The following ROR1 variants were observed in gnomAD, a reference collection of about 807,000 sequenced individuals.
ROR1 encodes the protein inactive tyrosine-protein kinase transmembrane receptor ROR1.
Under a neutral mutation model 78.8 loss-of-function variants are expected in ROR1, and 19 were observed. The observed-to-expected ratio is 0.24, with a 90% CI of 0.17 to 0.35. The LOEUF (loss-of-function observed/expected upper bound fraction) is 0.35, where lower values mean the gene tolerates loss of function less well. ROR1 is among the 10% of genes least tolerant of loss of function. The probability of loss-of-function intolerance (pLI) is 1.00; values close to 1 mark genes in which losing one functional copy is unlikely to be tolerated. For missense variants in ROR1, 917 were observed against 1,177.8 expected, an observed-to-expected ratio of 0.78 and a Z score of 3.24; for synonymous variants, 386 against 433.6, an observed-to-expected ratio of 0.89 and a Z score of 1.36.
intron 1 of ROR1, among the ~76,000 whole-genome samples, chr1:63,891,048 A>T (rs1454048523): frequency 6.6e-6 from 1 of 152,198 alleles, no homozygotes; most frequent in African/African-American, 2.4e-5. Context: ...GGGACATGTC[A>T]CATGGGCTCA....
intron 1 of ROR1, among the ~76,000 whole-genome samples, chr1:63,915,334 T>C (rs1394237026): frequency 2.6e-5 from 4 of 152,072 alleles, no homozygotes; most frequent in Admixed American, 6.5e-5. Context: ...CCCTGGTGTA[T>C]AGTCTAAGGT....
intron 1 of ROR1, among the ~76,000 whole-genome samples, chr1:63,938,660 A>G (rs1645812312): frequency 6.6e-6 from 1 of 152,168 alleles, no homozygotes; most frequent in Admixed American, 6.5e-5. Flanking sequence ...TAGGTTTCAA[A>G]TTTTTGTTTG....
At position 64,177,485 on chromosome 1, in the gene ROR1, T is replaced by C. The variant is rs773155144; in HGVS notation, c.1444T>C (p.Cys482Arg). ...AVRFMEELGE[C>R]AFGKIYKGHL... Reference sequence around the variant, plus strand: ...ACGCTTTATGGAAGAATTGGGTGAGTGTGCCTTTGGAAAAATCTATAAAGG... The same window carrying C: ...ACGCTTTATGGAAGAATTGGGTGAGCGTGCCTTTGGAAAAATCTATAAAGG... The change falls in exon 9 of 9, where the codon TGT becomes CGT. Residue 482 changes from cysteine to arginine, a missense_variant. By Grantham distance (180) the Cys-to-Arg change is radical (BLOSUM62 -3). This residue lies in a region of ROR1 where 835 missense variants were observed against 1,069.8 expected (regional missense o/e 0.78). Coordinates refer to ENST00000371079, the MANE Select transcript of ROR1 (RefSeq NM_005012.4). The C allele has an allele frequency of 6.2e-7, 1 of 1,614,128 alleles. No individual in the cohort carries two copies. The highest frequency in any genetic ancestry group is 1.7e-5 in the Admixed American group (1 of 60,022).
chr1:63,883,856 G>T (rs1368085484), intron 1 of ROR1, among the ~76,000 whole-genome samples: 3 of 152,180 alleles, frequency 2.0e-5, no homozygotes, highest in East Asian at 1.9e-4. Context: ...AGAGGGATGG[G>T]CAGCCATGTG....
chr1:64,063,860 AC>A (rs2100608661), intron 4 of ROR1, among the ~76,000 whole-genome samples: 2 of 152,182 alleles, frequency 1.3e-5, no homozygotes, highest in East Asian at 3.9e-4. Flanking sequence ...TTATCAAATC[AC>A]CCCAAGTGAT....
chr1:64,053,977 G>A (rs1646853831), intron 4 of ROR1, among the ~76,000 whole-genome samples: 1 of 140,582 alleles, frequency 7.1e-6, no homozygotes, highest in South Asian at 2.1e-4. Context: ...TTTGAAACAA[G>A]GTCTGGCTCT....
At chr1:63,825,488 A>G (rs1020463423) in intron 1 of ROR1, among the ~76,000 whole-genome samples, 4 of 152,232 alleles carry the variant, frequency 2.6e-5, no homozygotes, top group African/African-American at 9.6e-5. Context: ...AAAACTAGAG[A>G]CAGAAAGCAG....
intron 1 of ROR1, among the ~76,000 whole-genome samples, chr1:63,791,687 C>G (rs1025063835): frequency 2.6e-5 from 4 of 152,056 alleles, no homozygotes; most frequent in Non-Finnish European, 5.9e-5. Context: ...ATCTGTCTTC[C>G]CAGAATGTTG....
chr1:63,999,493 C>T (rs1646365984), intron 1 of ROR1, among the ~76,000 whole-genome samples: 1 of 152,162 alleles, frequency 6.6e-6, no homozygotes, highest in Non-Finnish European at 1.5e-5. Context: ...CTGTGCTAAG[C>T]CCTTTGTCCT....
intron 7 of ROR1, among the ~76,000 whole-genome samples, chr1:64,158,688 G>C (rs1013898048): frequency 6.6e-6 from 1 of 152,174 alleles, no homozygotes; most frequent in Non-Finnish European, 1.5e-5. Flanking sequence ...GAGAAATGTA[G>C]GTCTGCCACT....
chr1:64,174,432 T>C (rs566269315), intron 8 of ROR1, among the ~76,000 whole-genome samples: 1 of 152,314 alleles, frequency 6.6e-6, no homozygotes, highest in East Asian at 1.9e-4. Context: ...AACCCAGATT[T>C]ATAGGAGTCC....
At chr1:63,821,613 T>C (rs1282127654) in intron 1 of ROR1, among the ~76,000 whole-genome samples, 2 of 152,196 alleles carry the variant, frequency 1.3e-5, no homozygotes, top group African/African-American at 2.4e-5. Context: ...GGTCTCTTAG[T>C]GGCTTACCTC....
At chr1:64,137,283 CTATT>C in intron 4 of ROR1, 82 bp from the exon 5 acceptor site, 1 of 1,449,404 alleles carries the variant, frequency 6.9e-7, no homozygotes, top group East Asian at 2.3e-5. Context: ...CCCCTAGTGA[CTATT>C]TAGGGTATCG....
intron 1 of ROR1, among the ~76,000 whole-genome samples, chr1:63,910,671 G>T (rs544339934): frequency 6.6e-6 from 1 of 152,280 alleles, no homozygotes; most frequent in East Asian, 1.9e-4. Context: ...ATGGCCATTT[G>T]TGTTCTTCCT....
intron 1 of ROR1, among the ~76,000 whole-genome samples, chr1:64,003,588 A>T (rs557125256): frequency 6.6e-6 from 1 of 152,294 alleles, no homozygotes; most frequent in Admixed American, 6.5e-5. Context: ...CTCTCTCCTC[A>T]GTAAGTCAGC....
chr1:63,957,314 C>T (rs769204476), intron 1 of ROR1, among the ~76,000 whole-genome samples: 6 of 152,168 alleles, frequency 3.9e-5, no homozygotes, highest in Non-Finnish European at 8.8e-5. Flanking sequence ...CTCTGTCCCC[C>T]GAGGAATTCC....
chr1:63,963,856 A>G (rs1233192150), intron 1 of ROR1, among the ~76,000 whole-genome samples: 1 of 152,166 alleles, frequency 6.6e-6, no homozygotes, highest in Non-Finnish European at 1.5e-5. Flanking sequence ...ATGCAGACGC[A>G]CTGCCTGGGG....
At chr1:64,075,589 T>TAACC (rs1647043789) in intron 4 of ROR1, among the ~76,000 whole-genome samples, 2 of 152,222 alleles carry the variant, frequency 1.3e-5, no homozygotes, top group Admixed American at 1.3e-4. Flanking sequence ...GTGATTGCAA[T>TAACC]AACCGTGTAT....
intron 1 of ROR1, among the ~76,000 whole-genome samples, chr1:63,803,707 C>T (rs754223363): frequency 6.6e-6 from 1 of 152,162 alleles, no homozygotes; most frequent in Non-Finnish European, 1.5e-5. Flanking sequence ...ACATTTGTCC[C>T]AGAGAAATGA....
Sources: allele counts gnomAD v4.1 joint callset (sites outside exome capture counted in the v4.1 genomes callset), GRCh38; gene constraint gnomAD v4.1.1; regional missense constraint gnomAD v4.1.1; transcripts MANE v1.5; gene names NCBI Gene and HGNC (gene_info 2026-07-23, HGNC 2026-07-21).